The following TMPRSS12 variants were observed in gnomAD, a reference collection of about 807,000 sequenced individuals.
TMPRSS12 encodes the protein transmembrane serine protease 12.
A neutral mutation model predicts 26.0 loss-of-function variants in TMPRSS12; 25 were observed. That is an observed-to-expected ratio of 0.96 (90% CI 0.70 to 1.34). TMPRSS12 has a LOEUF of 1.34. TMPRSS12 is among the 40% of genes most tolerant of loss of function. The pLI, the probability that TMPRSS12 is intolerant of heterozygous loss-of-function variation, is 0.00. For synonymous variants in TMPRSS12, 150 were observed against 161.7 expected (o/e 0.93, Z 0.55); for missense variants, 441 against 440.1 (o/e 1.00, Z -0.02).
Position 50,858,832 on chromosome 12 carries a change from G to A in TMPRSS12, c.431G>A (p.Gly144Glu), listed in dbSNP as rs773889581. 1 of 1,608,946 alleles carries A rather than the reference G, an allele frequency of 6.2e-7. No homozygotes were observed. Among genetic ancestry groups the A allele is most frequent in the East Asian group, 2.2e-5 (1 of 44,758 alleles). ...GTGATTGGAACTAATAATATACATGGACGCTATCCTCATACCAAGAAGATA... is the reference window on the plus strand; with the variant it reads ...GTGATTGGAACTAATAATATACATGAACGCTATCCTCATACCAAGAAGATA... The part of the protein sequence containing the change: ...TAVIGTNNIH[G>E]RYPHTKKIKI... Residue 144 changes from glycine to glutamate, a missense_variant, in exon 3 of 5, where the codon GGA (glycine) becomes GAA (glutamate). Gly to Glu is a moderately conservative substitution (Grantham distance 98). Transcript: ENST00000398458.
intron 2 of TMPRSS12, among the ~76,000 whole-genome samples, chr12:50,855,373 A>G (rs1302967466): frequency 1.3e-5 from 2 of 152,162 alleles, no homozygotes; most frequent in South Asian, 2.1e-4. Flanking sequence ...CAAAAACCAG[A>G]CAACCCCATT....
chr12:50,882,368 G>A (rs1271118243), intron 3 of TMPRSS12, among the ~76,000 whole-genome samples: 1 of 149,770 alleles, frequency 6.7e-6, no homozygotes, highest in Non-Finnish European at 1.5e-5. Context: ...TACTATGGAG[G>A]GAGGCTAAAA....
At chr12:50,855,112 G>C (rs1243257093) in intron 2 of TMPRSS12, among the ~76,000 whole-genome samples, 2 of 152,148 alleles carry the variant, frequency 1.3e-5, no homozygotes, top group Non-Finnish European at 2.9e-5. Context: ...TACAAAAACA[G>C]ACACACAGAC....
intron 2 of TMPRSS12, among the ~76,000 whole-genome samples, chr12:50,857,441 TAA>T (rs1458208178): frequency 5.8e-5 from 5 of 86,206 alleles, no homozygotes; most frequent in African/African-American, 1.8e-4. Flanking sequence ...CTTGTTCCTC[TAA>T]CTCGTCTGCA....
intron 4 of TMPRSS12, chr12:50,885,661 A>T: frequency 7.6e-6 from 4 of 526,242 alleles, no homozygotes; most frequent in Admixed American, 3.6e-5. Flanking sequence ...GTACAGCTCA[A>T]TTTTTTTTTT....
At chr12:50,866,406 A>G (rs899060880) in intron 3 of TMPRSS12, among the ~76,000 whole-genome samples, 1 of 152,078 alleles carries the variant, frequency 6.6e-6, no homozygotes, top group Non-Finnish European at 1.5e-5. Flanking sequence ...AGAGGCAGCC[A>G]TAATCACTTG....
In TMPRSS12 at chr12:50,859,015, A is replaced by G; in HGVS notation, c.614A>G (p.Lys205Arg). The G allele has an allele frequency of 6.2e-7, 1 of 1,603,192 alleles. No homozygotes were observed. Among genetic ancestry groups the G allele is most frequent in the Non-Finnish European group, 8.5e-7 (1 of 1,175,622 alleles). ...DVFQILDGNT[K>R]CFISGWGRTK... ...TTCCAAATCCTGGACGGAAACACAA[A>G]GTGTTTTATAAGTGGCTGGGGAAGA... Residue 205 changes from lysine (K) to arginine (R), a missense_variant, in exon 3 of 5, where the codon AAG becomes AGG. Coordinates refer to ENST00000398458, the MANE Select transcript of TMPRSS12 (RefSeq NM_182559.3).
chr12:50,878,994 G>T (rs915207784), intron 3 of TMPRSS12, among the ~76,000 whole-genome samples: 1 of 152,196 alleles, frequency 6.6e-6, no homozygotes, highest in African/African-American at 2.4e-5. Flanking sequence ...CACAACTTAT[G>T]AACCAGAAAA....
Position 50,887,344 on chromosome 12 carries a change from G to T in TMPRSS12, c.878G>T (p.Gly293Val). The T allele has an allele frequency of 6.2e-7, 1 of 1,613,882 alleles. No individual in the cohort carries two copies. The highest frequency in any genetic ancestry group is 8.5e-7 in the Non-Finnish European group (1 of 1,179,864). The change falls in exon 5 of 5, where the codon GGC (glycine) becomes GTC (valine). Residue 293 changes from glycine (G) to valine (V), a missense_variant. By Grantham distance (109) the Gly-to-Val change is moderately radical (BLOSUM62 -3). Transcript: ENST00000398458. Reference protein sequence around the residue: ...FVMGITSYGHGCGRRGFPGVY... With the variant: ...FVMGITSYGHVCGRRGFPGVY... ...ATGGGAATTACCAGTTACGGACATG[G>T]CTGTGGTCGAAGAGGTTTTCCTGGT...
At chr12:50,865,909 T>G (rs980492924) in intron 3 of TMPRSS12, among the ~76,000 whole-genome samples, 1 of 152,164 alleles carries the variant, frequency 6.6e-6, no homozygotes, top group African/African-American at 2.4e-5. Flanking sequence ...GAAACATAGC[T>G]TGAGTACAGA....
chr12:50,884,878 T>TAAA (rs368787852), intron 3 of TMPRSS12, among the ~76,000 whole-genome samples: 8 of 133,446 alleles, frequency 6.0e-5, no homozygotes, highest in African/African-American at 1.7e-4. Flanking sequence ...TCTCAAAAAT[T>TAAA]AAAAAAAAAA....
chr12:50,875,305 T>C (rs1938102241), intron 3 of TMPRSS12, among the ~76,000 whole-genome samples: 1 of 151,712 alleles, frequency 6.6e-6, no homozygotes. Flanking sequence ...GCCTGGCCAA[T>C]ATGGTTCTAA....
chr12:50,880,193 T>C (rs558196773), intron 3 of TMPRSS12, among the ~76,000 whole-genome samples: 10 of 152,030 alleles, frequency 6.6e-5, no homozygotes, highest in African/African-American at 2.4e-4. Context: ...AACCAGGAGT[T>C]TGAGACCAGC....
intron 3 of TMPRSS12, among the ~76,000 whole-genome samples, chr12:50,868,469 C>A (rs1938012121): frequency 6.6e-6 from 1 of 152,068 alleles, no homozygotes; most frequent in Non-Finnish European, 1.5e-5. Flanking sequence ...CATATATGCA[C>A]CTAACACTGG....
intron 2 of TMPRSS12, among the ~76,000 whole-genome samples, chr12:50,847,273 G>A (rs1299939795): frequency 6.6e-6 from 1 of 151,720 alleles, no homozygotes; most frequent in Non-Finnish European, 1.5e-5. Flanking sequence ...TAGCCAGGAT[G>A]GTCTCCATCT....
intron 4 of TMPRSS12, chr12:50,886,656 A>T (rs1239693730): frequency 6.6e-6 from 1 of 152,290 alleles, no homozygotes; most frequent in Non-Finnish European, 1.5e-5. Flanking sequence ...GGCCTTAGTA[A>T]CAGCATTTGG....
At chr12:50,879,267 A>T (rs1161404351) in intron 3 of TMPRSS12, among the ~76,000 whole-genome samples, 2 of 152,192 alleles carry the variant, frequency 1.3e-5, no homozygotes, top group Non-Finnish European at 2.9e-5. Flanking sequence ...ATTTCTTAGG[A>T]CACCAAAAGC....
Position 50,867,882 on chromosome 12 carries a change from C to T in TMPRSS12, c.652+8829C>T, listed in dbSNP as rs182729630. Among the ~76,000 whole-genome samples, 33 of 152,154 alleles carry T rather than the reference C, an allele frequency of 2.2e-4. No homozygotes were observed. In the South Asian group the frequency reaches 2.5e-3, roughly 11 times the overall value. On this transcript the variant is annotated intron_variant, in intron 3 of 4. Coordinates refer to ENST00000398458, the MANE Select transcript of TMPRSS12 (RefSeq NM_182559.3). ...TTGTATCCCGTGAAACTAACCATCACGTGTAAAGGAGAGATAGAGTCTTTT... is the reference window on the plus strand; with the variant it reads ...TTGTATCCCGTGAAACTAACCATCATGTGTAAAGGAGAGATAGAGTCTTTT...
At chr12:50,858,649 T>C in intron 2 of TMPRSS12, 136 bp from the exon 3 acceptor site, 1 of 667,694 alleles carries the variant, frequency 1.5e-6, no homozygotes, top group Non-Finnish European at 2.3e-6. Flanking sequence ...TTTGTGTTAT[T>C]TGATATTTTA....
Sources: allele counts gnomAD v4.1 joint callset (sites outside exome capture counted in the v4.1 genomes callset), GRCh38; gene constraint gnomAD v4.1.1; transcripts MANE v1.5; gene names NCBI Gene and HGNC (gene_info 2026-07-23, HGNC 2026-07-21).